Variants in ETFA observed in about 807,000 individuals in gnomAD.
The protein encoded by ETFA is electron transfer flavoprotein subunit alpha, mitochondrial.
Under a neutral mutation model 46.2 loss-of-function variants are expected in ETFA, and 22 were observed. The ratio of observed to expected loss-of-function variants is 0.48; its 90% CI spans 0.34 to 0.68. ETFA has a LOEUF of 0.68. ETFA is among the 30% of genes least tolerant of loss of function. The pLI, the probability that ETFA is intolerant of heterozygous loss-of-function variation, is 0.01. For missense variants in ETFA, 345 were observed against 401.1 expected (o/e 0.86, Z 1.19); for synonymous variants, 131 against 139.9 (o/e 0.94, Z 0.45).
chr15:76,249,485 A>T (rs2039276352), intron 9 of ETFA, among the ~76,000 whole-genome samples: 1 of 122,688 alleles, frequency 8.2e-6, no homozygotes, highest in African/African-American at 3.2e-5. Flanking sequence ...TCTGTCGCCC[A>T]GGCTGGAGTG....
intron 10 of ETFA, among the ~76,000 whole-genome samples, chr15:76,229,340 A>G (rs1011624514): frequency 3.3e-5 from 5 of 152,216 alleles, no homozygotes; most frequent in African/African-American, 9.6e-5. Flanking sequence ...TGGTCTTAAT[A>G]AACATCTGTT....
At chr15:76,291,998 T>G (rs976040791) in intron 4 of ETFA, among the ~76,000 whole-genome samples, 8 of 152,158 alleles carry the variant, frequency 5.3e-5, no homozygotes, top group Admixed American at 4.6e-4. Context: ...CAGCTTTCTT[T>G]ACCTTAAGGA....
intron 9 of ETFA, among the ~76,000 whole-genome samples, chr15:76,237,563 A>G (rs1035195907): frequency 6.6e-5 from 10 of 152,190 alleles, no homozygotes; most frequent in African/African-American, 9.7e-5. Flanking sequence ...AAATTATTCA[A>G]TCTCTCAAAG....
At chr15:76,291,601 T>C (rs549875779) in intron 4 of ETFA, among the ~76,000 whole-genome samples, 82 of 151,086 alleles carry the variant, frequency 5.4e-4, no homozygotes, top group African/African-American at 1.9e-3. Context: ...ATACAAAAAA[T>C]TAGCCGGGCG....
intron 9 of ETFA, among the ~76,000 whole-genome samples, chr15:76,240,981 G>A (rs2039179986): frequency 6.6e-6 from 1 of 151,518 alleles, no homozygotes; most frequent in African/African-American, 2.4e-5. Flanking sequence ...TAAATGCTTT[G>A]CATTTACCTA....
At chr15:76,255,605 T>C (rs1212776242) in intron 9 of ETFA, among the ~76,000 whole-genome samples, 1 of 152,212 alleles carries the variant, frequency 6.6e-6, no homozygotes, top group Admixed American at 6.5e-5. Flanking sequence ...AAATTATACT[T>C]TTGCCTGACA....
intron 9 of ETFA, among the ~76,000 whole-genome samples, chr15:76,250,699 A>C (rs1253980296): frequency 1.3e-5 from 2 of 151,422 alleles, no homozygotes; most frequent in East Asian, 3.9e-4. Flanking sequence ...CACCCAACTA[A>C]ATTTTTTTTT....
chr15:76,286,333 T>A (rs369499885), intron 6 of ETFA, 38 bp downstream of exon 6: 54 of 1,212,232 alleles, frequency 4.5e-5, no homozygotes, highest in South Asian at 1.8e-4. Flanking sequence ...ATTAAAAAAG[T>A]AAGAAACAAA....
intron 9 of ETFA, among the ~76,000 whole-genome samples, chr15:76,241,682 G>A (rs1468649012): frequency 6.7e-6 from 1 of 148,788 alleles, no homozygotes; most frequent in South Asian, 2.1e-4. Flanking sequence ...GCCCCTGTAA[G>A]TCCCAGCTAC....
chr15:76,237,185 T>C (rs181001646), intron 9 of ETFA, among the ~76,000 whole-genome samples: 11 of 152,266 alleles, frequency 7.2e-5, no homozygotes, highest in African/African-American at 1.7e-4. Flanking sequence ...CCTGAGTAGC[T>C]GGGATTACAG....
rs750846093 is a variant in ETFA, at chr15:76,292,480, TTC to T, written c.300_301del (p.Lys101AlafsTer27). On this transcript the variant is annotated frameshift_variant, in exon 4 of 12. Coordinates refer to ENST00000557943, the MANE Select transcript of ETFA (RefSeq NM_000126.4). LOFTEE classifies it high-confidence loss of function. ...ACAGATGTGTGTGTAATTGAACTGC[TTC>T]TGAGTTGCCAAAATCAATGGTGTCA... The T allele has an allele frequency of 6.2e-7, 1 of 1,614,022 alleles. No individual in the cohort carries two copies. The highest frequency in any genetic ancestry group is 8.5e-7 in the Non-Finnish European group (1 of 1,179,860).
Position 76,311,404 on chromosome 15 carries a change from C to T in ETFA, c.-16G>A. On this transcript the variant is annotated 5_prime_UTR_variant, in exon 1 of 12. Coordinates refer to ENST00000557943, the MANE Select transcript of ETFA (RefSeq NM_000126.4). The stretch of plus-strand genomic sequence containing the variant: ...CTCGGAACATGGTCTCCGCTTCCGC[C>T]GCAACCTCGGCCTTACAGCAGCCCC... The T allele has an allele frequency of 2.6e-6, 4 of 1,556,944 alleles. No homozygotes were observed. Among genetic ancestry groups the T allele is most frequent in the Non-Finnish European group, 3.5e-6 (4 of 1,151,856 alleles).
At chr15:76,220,809 T>TA in intron 11 of ETFA, among the ~76,000 whole-genome samples, 1 of 152,294 alleles carries the variant, frequency 6.6e-6, no homozygotes, top group South Asian at 2.1e-4. Flanking sequence ...GGGCTATATT[T>TA]AAAAAGACAG....
intron 1 of ETFA, among the ~76,000 whole-genome samples, chr15:76,304,354 T>C (rs2039915003): frequency 6.6e-6 from 1 of 152,146 alleles, no homozygotes; most frequent in African/African-American, 2.4e-5. Flanking sequence ...GTTCATTACC[T>C]GGGCGGCAAA....
intron 8 of ETFA, among the ~76,000 whole-genome samples, chr15:76,280,963 C>T (rs1489456767): frequency 1.4e-5 from 2 of 144,990 alleles, no homozygotes; most frequent in Non-Finnish European, 3.0e-5. Flanking sequence ...TCACCCAGGC[C>T]GGAGTACAGT....
chr15:76,300,843 C>T (rs1032091638), intron 1 of ETFA, among the ~76,000 whole-genome samples: 5 of 152,208 alleles, frequency 3.3e-5, no homozygotes, highest in African/African-American at 1.2e-4. Context: ...AGCCTTCCCA[C>T]ACATTGCTCC....
At chr15:76,237,381 C>A (rs1056169832) in intron 9 of ETFA, among the ~76,000 whole-genome samples, 10 of 152,054 alleles carry the variant, frequency 6.6e-5, no homozygotes, top group African/African-American at 2.4e-4. Context: ...TAACCTCAAA[C>A]ACATATTAGA....
intron 4 of ETFA, among the ~76,000 whole-genome samples, chr15:76,289,910 C>T (rs1402371542): frequency 6.6e-6 from 1 of 152,154 alleles, no homozygotes; most frequent in Non-Finnish European, 1.5e-5. Context: ...GACAAACACC[C>T]TTTCATGGTC....
chr15:76,227,836 TC>T (rs1274271449), intron 10 of ETFA: 1 of 456,102 alleles, frequency 2.2e-6, no homozygotes, highest in Non-Finnish European at 4.4e-6. Context: ...GAGGGGTTCC[TC>T]AGAGAGATGT....
Sources: gnomAD v4.1 joint callset for allele counts (sites outside exome capture counted in the v4.1 genomes callset) on GRCh38, gnomAD v4.1.1 for gene constraint, MANE v1.5 for transcripts, NCBI Gene and HGNC (gene_info 2026-07-23, HGNC 2026-07-21) for gene names.